The following MRTFB variants were observed in gnomAD, a reference collection of about 807,000 sequenced individuals.
The protein encoded by MRTFB is myocardin related transcription factor B.
In MRTFB, 29 loss-of-function variants were observed where a neutral mutation model predicts 104.2. That is an observed-to-expected ratio of 0.28 (90% CI 0.21 to 0.38). The LOEUF (loss-of-function observed/expected upper bound fraction) is 0.38, where lower values mean the gene tolerates loss of function less well. Among genes scored for constraint, MRTFB ranks in the 10% least tolerant of loss-of-function variants. MRTFB has a pLI of 1.00. For missense variants in MRTFB, 1,270 were observed against 1,341.6 expected (o/e 0.95, Z 0.83); for synonymous variants, 535 against 519.5 (o/e 1.03, Z -0.41).
At chr16:14,197,307 C>T (rs974183581) in intron 3 of MRTFB, among the ~76,000 whole-genome samples, 3 of 152,112 alleles carry the variant, frequency 2.0e-5, no homozygotes, top group Non-Finnish European at 2.9e-5. Context: ...GCTTGAATTT[C>T]GCATTAATTC....
rs1309266300 is a variant in MRTFB at position 14,249,143 on chromosome 16, TC to T, written c.2403+63del. The stretch of plus-strand genomic sequence containing the variant: ...TTTTTACCATCCTCCGATCATCCAT[TC>T]AACAAGCATCTTTGTAAACGCCCTG... On this transcript the variant is annotated intron_variant, in intron 13 of 16. Coordinates refer to ENST00000571589, the MANE Select transcript of MRTFB (RefSeq NM_001308142.2). 5.1e-6 allele frequency: 8 copies of T among 1,561,082 alleles called. No homozygotes were observed. The African/African-American group carries it at 9.5e-5, about 19-fold the overall frequency.
intron 3 of MRTFB, among the ~76,000 whole-genome samples, chr16:14,159,226 G>A (rs1408933517): frequency 6.6e-6 from 1 of 152,144 alleles, no homozygotes; most frequent in Non-Finnish European, 1.5e-5. Context: ...AGAAAATGTT[G>A]CCATGCTAGG....
chr16:14,040,728 G>T, the MRTFB span, among the ~76,000 whole-genome samples: 7 of 152,232 alleles, frequency 4.6e-5, no homozygotes, highest in Admixed American at 2.0e-4. Flanking sequence ...CTCCCAAAGC[G>T]CTGGGATTAC....
intron 3 of MRTFB, chr16:14,200,647 A>G: frequency 6.4e-7 from 1 of 1,566,330 alleles, no homozygotes; most frequent in Admixed American, 1.7e-5. Context: ...ACGTTGATGA[A>G]GATGGAAAGA....
chr16:14,043,895 C>T, the MRTFB span, among the ~76,000 whole-genome samples: 1 of 152,182 alleles, frequency 6.6e-6, no homozygotes, highest in Non-Finnish European at 1.5e-5. Context: ...GTGAGAAAAC[C>T]TCAATGGACA....
At chr16:14,151,063 A>G (rs1409964662) in intron 3 of MRTFB, 2 of 152,202 alleles carry the variant, frequency 1.3e-5, no homozygotes, top group Non-Finnish European at 2.9e-5. Context: ...TTTAAGCAGT[A>G]CTCGCAGCTC....
chr16:14,243,323 T>C (rs1001177520), intron 10 of MRTFB, among the ~76,000 whole-genome samples: 2 of 152,220 alleles, frequency 1.3e-5, no homozygotes, highest in African/African-American at 2.4e-5. Context: ...AAAGCCAGCA[T>C]TGGCTTCAAC....
At chr16:14,166,560 T>C (rs751689777) in intron 3 of MRTFB, among the ~76,000 whole-genome samples, 6 of 152,180 alleles carry the variant, frequency 3.9e-5, no homozygotes, top group Non-Finnish European at 7.3e-5. Flanking sequence ...GTTTGTTACA[T>C]AGGTAAATGT....
At chr16:14,044,977 G>T in the MRTFB span, among the ~76,000 whole-genome samples, 1 of 152,162 alleles carries the variant, frequency 6.6e-6, no homozygotes, top group African/African-American at 2.4e-5. Flanking sequence ...CCACTGACCA[G>T]CCCTACCTTG....
chr16:14,144,065 T>G (rs2038166184), intron 3 of MRTFB: 1 of 152,248 alleles, frequency 6.6e-6, no homozygotes, highest in South Asian at 2.1e-4. Flanking sequence ...GAATAATGTA[T>G]TGGTTTTTTT....
In MRTFB at chr16:14,250,688, G is replaced by A. The variant is rs568258208; in HGVS notation, c.2404-1174G>A. On this transcript the variant is annotated intron_variant, in intron 13 of 16. Transcript: ENST00000571589. ...TTACCCAAATCAGGAGAGCCAAGGA[G>A]TGTGGTAGGGGCCATGCCTTGAGAA... Among the ~76,000 whole-genome samples, 3 of 152,362 alleles carry A rather than the reference G, an allele frequency of 2.0e-5. No homozygotes were observed. In the East Asian group the frequency reaches 5.8e-4, roughly 29 times the overall value.
chr16:14,240,671 A>G (rs2042727805), intron 10 of MRTFB, 187 bp downstream of exon 10: 1 of 979,852 alleles, frequency 1.0e-6, no homozygotes, highest in African/African-American at 1.6e-5. Context: ...ATTCCATTCC[A>G]GTTTCTGTCC....
chr16:14,218,537 G>A (rs997718597), intron 7 of MRTFB, among the ~76,000 whole-genome samples: 3 of 152,022 alleles, frequency 2.0e-5, no homozygotes, highest in Middle Eastern at 3.4e-3. Context: ...GGATTTTACT[G>A]ATTGCATTTG....
At chr16:14,200,890 A>C (rs1330998838) in intron 3 of MRTFB, 5 of 1,452,190 alleles carry the variant, frequency 3.4e-6, no homozygotes, top group Non-Finnish European at 4.8e-6. Flanking sequence ...GGTGGGCAGC[A>C]GAAAGAATTT....
At chr16:14,158,258 C>G (rs1252355563) in intron 3 of MRTFB, among the ~76,000 whole-genome samples, 1 of 152,190 alleles carries the variant, frequency 6.6e-6, no homozygotes, top group African/African-American at 2.4e-5. Context: ...CCATGTGTTT[C>G]TGCATATTTC....
chr16:14,052,583 C>G, the MRTFB span, among the ~76,000 whole-genome samples: 1 of 151,936 alleles, frequency 6.6e-6, no homozygotes, highest in Admixed American at 6.6e-5. Context: ...ACTAAAAATA[C>G]AAAAAATTAG....
At chr16:14,146,868 G>C (rs182956640) in intron 3 of MRTFB, among the ~76,000 whole-genome samples, 1 of 152,172 alleles carries the variant, frequency 6.6e-6, no homozygotes, top group Admixed American at 6.5e-5. Context: ...AGATTGGTGA[G>C]GGAGAAAGAG....
upstream of MRTFB, among the ~76,000 whole-genome samples, chr16:14,068,598 G>A (rs559120618): frequency 2.6e-5 from 4 of 152,110 alleles, no homozygotes; most frequent in Non-Finnish European, 4.4e-5. Context: ...GTGTCGTTGC[G>A]TGTTGCTGTG....
chr16:14,020,043 C>A, the MRTFB span, among the ~76,000 whole-genome samples: 2 of 152,240 alleles, frequency 1.3e-5, no homozygotes, highest in African/African-American at 4.8e-5. Context: ...ATAAACCCTT[C>A]AGCTTAAGCT....
Sources: gnomAD v4.1 joint callset for allele counts (sites outside exome capture counted in the v4.1 genomes callset) on GRCh38, gnomAD v4.1.1 for gene constraint, MANE v1.5 for transcripts, NCBI Gene and HGNC (gene_info 2026-07-23, HGNC 2026-07-21) for gene names.